The following EN1 variants were observed in gnomAD, a reference collection of about 807,000 sequenced individuals.
EN1 encodes the protein engrailed homeobox 1.
In EN1, 8 loss-of-function variants were observed where a neutral mutation model predicts 22.9. That is an observed-to-expected ratio of 0.35 (90% CI 0.20 to 0.63). EN1 has a LOEUF of 0.63. Ranked by LOEUF, EN1 falls within the 20% of genes least tolerant of loss-of-function variation. The pLI, the probability that EN1 is intolerant of heterozygous loss-of-function variation, is 0.73. For synonymous variants in EN1, 287 were observed against 262.5 expected (o/e 1.09, Z -0.90); for missense variants, 521 against 572.1 (o/e 0.91, Z 0.91).
At chr2:118,843,312 G>C (rs181999906) in intron 1 of EN1, 58 bp from the exon 2 acceptor site, 48 of 1,173,016 alleles carry the variant, frequency 4.1e-5, no homozygotes, top group Middle Eastern at 5.9e-4. Context: ...GCAGAAGGGA[G>C]GGGGGAGAGG....
Position 118,847,193 on chromosome 2 carries a change from G to A in EN1, c.-26C>T. 2 of 693,724 alleles carry A rather than the reference G, an allele frequency of 2.9e-6. No homozygotes were observed. The highest frequency in any genetic ancestry group is 3.0e-5 in the South Asian group (1 of 33,498). 43.0% of individuals were successfully genotyped at this position (693,724 alleles called of 1,614,324 possible). On this transcript the variant is annotated 5_prime_UTR_variant, in exon 1 of 2. Transcript: ENST00000295206. ...GCTCGGCCGCCCCGCCGCCCCGGCC[G>A]CCGCGCCGGCCCCCGCCCCCACCGC...
chr2:118,846,547 C>T lies in EN1; in HGVS notation c.621G>A (p.Ala207=). 8.5e-7 allele frequency: 1 copy of T among 1,177,068 alleles called. No individual in the cohort carries two copies. The highest frequency in any genetic ancestry group is 3.8e-5 in the East Asian group (1 of 26,414). 72.9% of individuals were successfully genotyped at this position (1,177,068 alleles called of 1,614,324 possible). Residue 207 remains alanine (A), a synonymous_variant, in exon 1 of 2, where the codon GCG becomes GCA. Transcript: ENST00000295206. This position sits in a 1 kb window ranked among gnomAD's most constrained non-coding sequence, Gnocchi z 5.0. ...NPAAAAAAAA[A]AVAAAAAAAA... ...CGGCCGCCGCCGCCGCCGCCACTGC[C>T]GCCGCGGCCGCCGCCGCCGCCGCAG...
intron 1 of EN1, 110 bp from the exon 2 acceptor site, chr2:118,843,364 G>T: frequency 1.0e-6 from 1 of 971,204 alleles, no homozygotes; most frequent in Non-Finnish European, 1.5e-6. Context: ...GCTGGGCCGC[G>T]AGCCCCGCGC....
rs775203866 is a variant in EN1 at position 118,846,003 on chromosome 2, A to G, written c.862+303T>C. On this transcript the variant is annotated intron_variant, in intron 1 of 1. Transcript: ENST00000295206. This position sits in a 1 kb window ranked among gnomAD's most constrained non-coding sequence, Gnocchi z 5.0. Reference sequence around the variant, plus strand: ...CTGGAAAGAAAATCACTGACTATGTACTTTTCCTAAGAATAATAAAGATAA... The same window carrying G: ...CTGGAAAGAAAATCACTGACTATGTGCTTTTCCTAAGAATAATAAAGATAA... Among the ~76,000 whole-genome samples the G allele has an allele frequency of 1.3e-5, 2 of 152,172 alleles. No homozygotes were observed. Among genetic ancestry groups the G allele is most frequent in the Admixed American group, 6.5e-5 (1 of 15,286 alleles).
At position 118,846,432 on chromosome 2, in the gene EN1, C is replaced by A; in HGVS notation, c.736G>T (p.Gly246Cys). 6.2e-7 allele frequency: 1 copy of A among 1,612,806 alleles called. No homozygotes were observed. The highest frequency in any genetic ancestry group is 1.3e-5 in the African/African-American group (1 of 75,016). ...GAQGTKYPEH[G>C]NPAILLMGSA... ...CCCATAAGTAGGATAGCCGGGTTGC[C>A]GTGCTCCGGGTATTTGGTGCCCTGC... The change falls in exon 1 of 2, where the codon GGC (glycine) becomes TGC (cysteine). Residue 246 changes from glycine (G) to cysteine (C), a missense_variant. Around this residue, in one of 3 missense-constraint regions of EN1, gnomAD observed 436 missense variants for 410.1 expected, o/e 1.06. Transcript: ENST00000295206. The surrounding 1 kb of genome is among the most constrained non-coding windows in gnomAD (Gnocchi z 5.0).
rs1274681799 is a variant in EN1, at chr2:118,847,197, C to T, written c.-30G>A. ...GGCCGCCCCGCCGCCCCGGCCGCCG[C>T]GCCGGCCCCCGCCCCCACCGCCTCG... On this transcript the variant is annotated 5_prime_UTR_variant, in exon 1 of 2. Transcript: ENST00000295206. 9.1e-6 allele frequency: 6 copies of T among 659,214 alleles called. No individual in the cohort carries two copies. The highest frequency in any genetic ancestry group is 2.9e-5 in the South Asian group (1 of 34,668). The allele number at this position is 659,214 out of a possible 1,614,324, so 40.8% of individuals were successfully genotyped here.
rs1348303037 is a variant in EN1 at position 118,842,983 on chromosome 2, G to T, written c.1134C>A (p.Tyr378Ter). The change falls in exon 2 of 2, where the codon TAC becomes TAA. Residue 378 changes from tyrosine to a stop codon, truncating the protein, a stop_gained. Transcript: ENST00000295206. LOFTEE classifies it high-confidence loss of function. Reference protein sequence around the residue: ...LALHLMAQGLYNHSTTTVQDK... With the variant: ...LALHLMAQGL ...CCTGGACCGTGGTGGTGGAGTGGTT[G>T]TACAGTCCCTGGGCCATGAGGTGCA... The T allele has an allele frequency of 6.2e-7, 1 of 1,614,060 alleles. No homozygotes were observed. Among genetic ancestry groups the T allele is most frequent in the Non-Finnish European group, 8.5e-7 (1 of 1,180,034 alleles).
chr2:118,846,793 C>T lies in EN1; in HGVS notation c.375G>A (p.Gln125=). The T allele has an allele frequency of 6.3e-7, 1 of 1,595,480 alleles. No individual in the cohort carries two copies. Among genetic ancestry groups the T allele is most frequent in the Non-Finnish European group, 8.5e-7 (1 of 1,177,456 alleles). ...CTCTGGCCGCCGCAGCCACCAGAAG[C>T]TGCGGTGGCGGCTGCTCCTTTTTGC... The part of the protein sequence containing the change: ...FGCKKEQPPP[Q]LLVAAAARGG... The change falls in exon 1 of 2, where the codon CAG becomes CAA. Residue 125 remains glutamine (Q), a synonymous_variant. Transcript: ENST00000295206. The surrounding 1 kb of genome is among the most constrained non-coding windows in gnomAD (Gnocchi z 5.0).
rs1234320417 is a variant in EN1 at position 118,846,998 on chromosome 2, G to T, written c.170C>A (p.Pro57His). The change falls in exon 1 of 2, where the codon CCC (proline) becomes CAC (histidine). Residue 57 changes from proline to histidine, a missense_variant. Physicochemically the swap from Pro to His is moderately conservative, Grantham distance 77 (BLOSUM62 -2). Around this residue, in one of 3 missense-constraint regions of EN1, gnomAD observed 436 missense variants for 410.1 expected, o/e 1.06. Transcript: ENST00000295206. This position sits in a 1 kb window ranked among gnomAD's most constrained non-coding sequence, Gnocchi z 5.0. ...CAGGCAAGGCGCCGCGGGCGGCGAG[G>T]GGGGCGCAGGCTGCGGGGACACCGG... is the stretch of plus-strand genomic sequence containing the variant. ...SVPVSPQPAPPSPPAAPCLPP... is the reference protein window; with the variant it reads ...SVPVSPQPAPHSPPAAPCLPP... The T allele has an allele frequency of 1.5e-6, 2 of 1,361,746 alleles. No individual in the cohort carries two copies. The highest frequency in any genetic ancestry group is 1.8e-5 in the South Asian group (1 of 54,848). 84.4% of individuals were successfully genotyped at this position (1,361,746 alleles called of 1,614,324 possible).
At position 118,846,334 on chromosome 2, in the gene EN1, G is replaced by A; in HGVS notation, c.834C>T (p.Cys278=). The change falls in exon 1 of 2, where the codon TGC becomes TGT. Residue 278 remains cysteine (C), a synonymous_variant. Coordinates refer to ENST00000295206, the MANE Select transcript of EN1 (RefSeq NM_001426.4). The surrounding 1 kb of genome is among the most constrained non-coding windows in gnomAD (Gnocchi z 5.0). ...AGGATGGACGATCCGAATAACGTGTGCAGTACACCCAGGCGGGCCATACGA... is the reference window on the plus strand; with the variant it reads ...AGGATGGACGATCCGAATAACGTGTACAGTACACCCAGGCGGGCCATACGA... ...QPLVWPAWVY[C]TRYSDRPSSG... 6.2e-7 allele frequency: 1 copy of A among 1,613,032 alleles called. No individual in the cohort carries two copies. Among genetic ancestry groups the A allele is most frequent in the Non-Finnish European group, 8.5e-7 (1 of 1,179,732 alleles).
At chr2:118,845,767 C>T (rs1678259818) in intron 1 of EN1, among the ~76,000 whole-genome samples, 1 of 152,216 alleles carries the variant, frequency 6.6e-6, no homozygotes, top group Non-Finnish European at 1.5e-5. Flanking sequence ...AGACGCTTTC[C>T]TCCCTGTCTT....
rs1678273344 is a variant in EN1 at position 118,846,541 on chromosome 2, C to A, written c.627G>T (p.Val209=). 8.4e-7 allele frequency: 1 copy of A among 1,196,374 alleles called. No individual in the cohort carries two copies. The highest frequency in any genetic ancestry group is 1.0e-6 in the Non-Finnish European group (1 of 966,848). The allele number at this position is 1,196,374 out of a possible 1,614,324, so 74.1% of individuals were successfully genotyped here. A position where few individuals can be genotyped will look rare whatever the true frequency, so the allele number is the denominator to read the frequency against. ...AAAAAAAAAA[V]AAAAAAAAAK... is the part of the protein sequence containing the mutation. ...CTGCTGCGGCCGCCGCCGCCGCCGCCACTGCCGCCGCGGCCGCCGCCGCCG... is the reference window on the plus strand; with the variant it reads ...CTGCTGCGGCCGCCGCCGCCGCCGCAACTGCCGCCGCGGCCGCCGCCGCCG... Residue 209 remains valine, a synonymous_variant, in exon 1 of 2, where the codon GTG becomes GTT. Transcript: ENST00000295206. The surrounding 1 kb of genome is among the most constrained non-coding windows in gnomAD (Gnocchi z 5.0).
Position 118,842,729 on chromosome 2 carries a change from C to T in EN1, c.*209G>A. ...GGAATAGAGAATGGATCTTATTTTT[C>T]GATAGCACCTGTCCGAGTCTTTCTC... On this transcript the variant is annotated 3_prime_UTR_variant, in exon 2 of 2. Transcript: ENST00000295206. 1.1e-6 allele frequency: 1 copy of T among 886,954 alleles called. No individual in the cohort carries two copies. The highest frequency in any genetic ancestry group is 1.6e-6 in the Non-Finnish European group (1 of 613,052). The allele number at this position is 886,954 out of a possible 1,614,324, so 54.9% of individuals were successfully genotyped here.
At chr2:118,843,538 A>G (rs1244325051) in intron 1 of EN1, among the ~76,000 whole-genome samples, 2 of 152,072 alleles carry the variant, frequency 1.3e-5, no homozygotes, top group Non-Finnish European at 2.9e-5. Flanking sequence ...TGCACCCCAC[A>G]CCCCAATTCT....
At position 118,847,442 on chromosome 2, in the gene EN1, C is replaced by T; in HGVS notation, c.-275G>A. Reference sequence around the variant, plus strand: ...GCTATTTCTTTTTTCTTTCTGCAACCAGATTCAATGATTTGATTTAAATGG... The same window carrying T: ...GCTATTTCTTTTTTCTTTCTGCAACTAGATTCAATGATTTGATTTAAATGG... On this transcript the variant is annotated 5_prime_UTR_variant, in exon 1 of 2. Coordinates refer to ENST00000295206, the MANE Select transcript of EN1 (RefSeq NM_001426.4). 2 of 309,326 alleles carry T rather than the reference C, an allele frequency of 6.5e-6. No individual in the cohort carries two copies. Among genetic ancestry groups the T allele is most frequent in the Non-Finnish European group, 1.2e-5 (2 of 170,602 alleles). The allele number at this position is 309,326 out of a possible 1,614,324, so 19.2% of individuals were successfully genotyped here.
intron 1 of EN1, among the ~76,000 whole-genome samples, chr2:118,845,446 G>C (rs13421249): frequency 0.039 from 5,878 of 152,316 alleles, 359 homozygotes; most frequent in African/African-American, 0.13. Context: ...AGTGGTGGAA[G>C]GAAAGCCGAG....
Position 118,842,865 on chromosome 2 carries a change from C to T in EN1, c.*73G>A, listed in dbSNP as rs148242115. 81 of 1,520,182 alleles carry T rather than the reference C, an allele frequency of 5.3e-5. No homozygotes were observed. In the Middle Eastern group the frequency reaches 1.0e-3, roughly 20 times the overall value. 94.2% of individuals were successfully genotyped at this position (1,520,182 alleles called of 1,614,324 possible). ...CCCTCCTTGGAGCAGATGCTTTCTC[C>T]CCCAGCGAGGGGCCGGGAGACGACG... On this transcript the variant is annotated 3_prime_UTR_variant, in exon 2 of 2. Transcript: ENST00000295206.
In EN1 at chr2:118,846,713, C is replaced by T. The variant is rs768930034; in HGVS notation, c.455G>A (p.Gly152Asp). Residue 152 changes from glycine (G) to aspartate (D), a missense_variant, in exon 1 of 2, where the codon GGT becomes GAT. Physicochemically the swap from Gly to Asp is moderately conservative, Grantham distance 94. Transcript: ENST00000295206. The surrounding 1 kb of genome is among the most constrained non-coding windows in gnomAD (Gnocchi z 5.0). ...VERDRGQTAAGRDPVHPLGTR... is the reference protein window; with the variant it reads ...VERDRGQTAADRDPVHPLGTR... Reference sequence around the variant, plus strand: ...GCCCAACGGGTGGACAGGGTCTCTACCTGCGGCAGTCTGGCCTCTGTCACG... The same window carrying T: ...GCCCAACGGGTGGACAGGGTCTCTATCTGCGGCAGTCTGGCCTCTGTCACG... 1.9e-6 allele frequency: 3 copies of T among 1,592,012 alleles called. No individual in the cohort carries two copies. Among genetic ancestry groups the T allele is most frequent in the Admixed American group, 1.7e-5 (1 of 59,088 alleles).
Position 118,847,058 on chromosome 2 carries a change from C to A in EN1, c.110G>T (p.Gly37Val), listed in dbSNP as rs1237143464. ...TCCATCGCTGCCGCTGCCGCTGCTG[C>A]CGCTGGCGCCCGGACTGAGGCTCAG... ...LSLSLSPGAS[G>V]SSGSGSDGDS... Residue 37 changes from glycine (G) to valine (V), a missense_variant, in exon 1 of 2, where the codon GGC becomes GTC. Gly to Val is a moderately radical substitution (Grantham distance 109, BLOSUM62 -3). Around this residue, in one of 3 missense-constraint regions of EN1, gnomAD observed 436 missense variants for 410.1 expected, o/e 1.06. Transcript: ENST00000295206. The A allele has an allele frequency of 5.6e-6, 8 of 1,417,570 alleles. No individual in the cohort carries two copies. Among genetic ancestry groups the A allele is most frequent in the Non-Finnish European group, 7.4e-6 (8 of 1,087,920 alleles). The allele number at this position is 1,417,570 out of a possible 1,614,324, so 87.8% of individuals were successfully genotyped here.
Sources: allele counts gnomAD v4.1 joint callset (sites outside exome capture counted in the v4.1 genomes callset), GRCh38; gene constraint gnomAD v4.1.1; regional missense constraint gnomAD v4.1.1; non-coding constraint Gnocchi (gnomAD v3.1); transcripts MANE v1.5; gene names NCBI Gene and HGNC (gene_info 2026-07-23, HGNC 2026-07-21).